TENM3: variants seen among roughly 807,000 people sequenced by gnomAD.
TENM3 encodes teneurin-3.
In TENM3, 63 loss-of-function variants were observed where a neutral mutation model predicts 255.1. The observed-to-expected ratio is 0.25, with a 90% CI of 0.20 to 0.30. TENM3 has a LOEUF of 0.30. Among genes scored for constraint, TENM3 ranks in the 10% least tolerant of loss-of-function variants. TENM3 has a pLI of 1.00. For missense variants in TENM3, 2,929 were observed against 3,461.1 expected, an observed-to-expected ratio of 0.85 and a Z score of 3.86; for synonymous variants, 1,306 against 1,322.3, an observed-to-expected ratio of 0.99 and a Z score of 0.27.
chr4:181,904,346 A>T, the TENM3 span, among the ~76,000 whole-genome samples: 2 of 152,114 alleles, frequency 1.3e-5, no homozygotes, highest in Non-Finnish European at 2.9e-5. Context: ...CATGTAACTT[A>T]CAAGATTAAA....
intron 3 of TENM3, among the ~76,000 whole-genome samples, chr4:182,488,801 C>T (rs1214815124): frequency 6.6e-6 from 1 of 151,822 alleles, no homozygotes; most frequent in African/African-American, 2.4e-5. Context: ...ATGTAATTTA[C>T]GTGTGTTTAT....
At chr4:182,658,424 C>T (rs1753938790) in intron 6 of TENM3, among the ~76,000 whole-genome samples, 1 of 152,158 alleles carries the variant, frequency 6.6e-6, no homozygotes, top group South Asian at 2.1e-4. Flanking sequence ...CTCTGTGCTT[C>T]CTAACTCTCA....
chr4:182,622,276 G>C (rs1208633293), intron 4 of TENM3, among the ~76,000 whole-genome samples: 1 of 150,856 alleles, frequency 6.6e-6, no homozygotes, highest in Non-Finnish European at 1.5e-5. Flanking sequence ...CCTCCCAGGA[G>C]GCGGAGGTTG....
At chr4:181,955,840 G>T in the TENM3 span, among the ~76,000 whole-genome samples, 10 of 152,118 alleles carry the variant, frequency 6.6e-5, no homozygotes, top group African/African-American at 2.4e-4. Context: ...TCAGGAAAGG[G>T]TTAGGTGGTA....
the TENM3 span, among the ~76,000 whole-genome samples, chr4:181,922,893 C>T: frequency 6.6e-6 from 1 of 152,158 alleles, no homozygotes; most frequent in Non-Finnish European, 1.5e-5. Context: ...TTTCCCTCTA[C>T]ACACTGCTTT....
the TENM3 span, among the ~76,000 whole-genome samples, chr4:181,754,677 A>C: frequency 6.6e-6 from 1 of 152,150 alleles, no homozygotes; most frequent in African/African-American, 2.4e-5. Context: ...AGGTGATTAT[A>C]GAAAGCTGGA....
At chr4:182,513,557 G>A (rs1477814224) in intron 3 of TENM3, among the ~76,000 whole-genome samples, 2 of 152,046 alleles carry the variant, frequency 1.3e-5, no homozygotes, top group African/African-American at 4.8e-5. Flanking sequence ...ATAGATCTGG[G>A]ATTAAATCTG....
the TENM3 span, among the ~76,000 whole-genome samples, chr4:181,963,245 A>G: frequency 6.6e-6 from 1 of 152,232 alleles, no homozygotes; most frequent in Non-Finnish European, 1.5e-5. Flanking sequence ...AAATAATGCT[A>G]TATGTCAGTA....
chr4:182,019,918 G>A, the TENM3 span, among the ~76,000 whole-genome samples: 4 of 151,878 alleles, frequency 2.6e-5, no homozygotes, highest in East Asian at 1.9e-4. Context: ...AATCTGATCC[G>A]CCTGCCTCAG....
intron 3 of TENM3, chr4:182,448,963 G>C (rs1717588360): frequency 2.5e-6 from 1 of 394,242 alleles, no homozygotes; most frequent in South Asian, 1.7e-5. Context: ...ATCATGTCTG[G>C]CCGCCGCGCG....
chr4:181,492,272 G>T, the TENM3 span, among the ~76,000 whole-genome samples: 2 of 152,068 alleles, frequency 1.3e-5, no homozygotes, highest in Non-Finnish European at 2.9e-5. Flanking sequence ...TTGAGAAAAA[G>T]CTCAATACTG....
At chr4:182,396,835 A>G (rs1580406430) in intron 3 of TENM3, among the ~76,000 whole-genome samples, 1 of 152,190 alleles carries the variant, frequency 6.6e-6, no homozygotes. Flanking sequence ...GGTGACAGGC[A>G]TCTGTAATCC....
intron 2 of TENM3, among the ~76,000 whole-genome samples, chr4:182,326,837 CCAGCCCATTTTAGT>C (rs1159697325): frequency 8.5e-5 from 13 of 152,174 alleles, no homozygotes; most frequent in Non-Finnish European, 1.2e-4. Context: ...GCCACCACGC[CCAGCCCATTTTAGT>C]CAATTTTGAA....
chr4:182,695,209 G>A (rs1334539204), intron 12 of TENM3, among the ~76,000 whole-genome samples: 1 of 152,162 alleles, frequency 6.6e-6, no homozygotes, highest in African/African-American at 2.4e-5. Context: ...GGTGATGAAA[G>A]GCAACCTTGC....
intron 1 of TENM3, among the ~76,000 whole-genome samples, chr4:182,233,898 A>G (rs75639343): frequency 7.9e-5 from 12 of 152,274 alleles, no homozygotes; most frequent in African/African-American, 2.9e-4. Flanking sequence ...TGCTCCAACT[A>G]TCTGGGATGG....
the TENM3 span, among the ~76,000 whole-genome samples, chr4:181,518,951 T>A: frequency 6.6e-6 from 1 of 152,160 alleles, no homozygotes; most frequent in Non-Finnish European, 1.5e-5. Flanking sequence ...TTTAAATACG[T>A]TGAATACTCA....
At chr4:182,631,507 T>A (rs1204987222) in intron 5 of TENM3, 1 of 152,226 alleles carries the variant, frequency 6.6e-6, no homozygotes, top group Non-Finnish European at 1.5e-5. Flanking sequence ...TTAAAGACGT[T>A]GCCTTTACCC....
the TENM3 span, among the ~76,000 whole-genome samples, chr4:181,869,686 G>A: frequency 1.3e-5 from 2 of 152,098 alleles, no homozygotes; most frequent in Non-Finnish European, 2.9e-5. Context: ...TTAGAGAGAT[G>A]TATAAGCTTA....
the TENM3 span, among the ~76,000 whole-genome samples, chr4:181,657,755 A>G: frequency 6.6e-6 from 1 of 152,204 alleles, no homozygotes; most frequent in Admixed American, 6.5e-5. Context: ...TGAATTGGAT[A>G]AAGAAAATGG....
Sources: allele counts gnomAD v4.1 joint callset (sites outside exome capture counted in the v4.1 genomes callset), GRCh38; gene constraint gnomAD v4.1.1; transcripts MANE v1.5; gene names NCBI Gene and HGNC (gene_info 2026-07-23, HGNC 2026-07-21).